Variants in SLC35F4 observed in about 807,000 individuals in gnomAD.
The protein encoded by SLC35F4 is solute carrier family 35 member F4, also known as chromosome 14 open reading frame 36.
A neutral mutation model predicts 44.2 loss-of-function variants in SLC35F4; 24 were observed. The ratio of observed to expected loss-of-function variants is 0.54; its 90% CI spans 0.39 to 0.76. SLC35F4 has a LOEUF of 0.76. Among genes scored for constraint, SLC35F4 ranks in the 30% least tolerant of loss-of-function variants. SLC35F4 has a pLI of 0.00. For synonymous variants in SLC35F4, 238 were observed against 223.6 expected, an observed-to-expected ratio of 1.06 and a Z score of -0.57; for missense variants, 562 against 586.1, an observed-to-expected ratio of 0.96 and a Z score of 0.42.
intron 1 of SLC35F4, among the ~76,000 whole-genome samples, chr14:57,752,515 C>T (rs1459623818): frequency 1.3e-5 from 2 of 151,068 alleles, no homozygotes; most frequent in African/African-American, 4.9e-5. Flanking sequence ...GGCCGGAGTG[C>T]AGTGGTGTGA....
intron 1 of SLC35F4, among the ~76,000 whole-genome samples, chr14:57,841,581 G>C (rs111944459): frequency 0.012 from 1,831 of 152,270 alleles, 36 homozygotes; most frequent in African/African-American, 0.041. Flanking sequence ...ACAGGGTACT[G>C]AATCTGGTAT....
At chr14:57,825,787 A>T (rs570171270) in intron 1 of SLC35F4, among the ~76,000 whole-genome samples, 1 of 152,290 alleles carries the variant, frequency 6.6e-6, no homozygotes, top group South Asian at 2.1e-4. Context: ...AGTGAATAAA[A>T]TACCTAAGAA....
At position 57,679,429 on chromosome 14, in the gene SLC35F4, T is replaced by A. The variant is rs1292807314; in HGVS notation, c.104-85305A>T. Reference sequence around the variant, plus strand: ...TGCCCACAGGAGAAAGGAGGAAATATCTAAAATTGACACCCTAATACCACA... The same window carrying A: ...TGCCCACAGGAGAAAGGAGGAAATAACTAAAATTGACACCCTAATACCACA... On this transcript the variant is annotated intron_variant, in intron 1 of 7. Transcript: ENST00000556826. Among the ~76,000 whole-genome samples, 5 of 152,018 alleles carry A rather than the reference T, an allele frequency of 3.3e-5. 1 individual carries two copies. Among genetic ancestry groups the A allele is most frequent in the African/African-American group, 1.2e-4 (5 of 41,334 alleles).
chr14:57,923,228 G>C (rs1363500596), intron 1 of SLC35F4, among the ~76,000 whole-genome samples: 2 of 152,210 alleles, frequency 1.3e-5, no homozygotes, highest in South Asian at 4.2e-4. Flanking sequence ...TTAAGATTAG[G>C]AGCCTGTATG....
intron 1 of SLC35F4, among the ~76,000 whole-genome samples, chr14:57,671,458 A>G (rs1220963055): frequency 2.0e-5 from 3 of 151,982 alleles, no homozygotes; most frequent in East Asian, 1.9e-4. Flanking sequence ...AGCTCCCAGA[A>G]AACATTTTTA....
intron 1 of SLC35F4, among the ~76,000 whole-genome samples, chr14:57,674,359 C>T (rs1275873221): frequency 6.6e-6 from 1 of 152,120 alleles, no homozygotes; most frequent in South Asian, 2.1e-4. Context: ...AATTCTACTT[C>T]ATGATGTCTA....
At chr14:57,668,412 A>C (rs1184877222) in intron 1 of SLC35F4, among the ~76,000 whole-genome samples, 1 of 151,932 alleles carries the variant, frequency 6.6e-6, no homozygotes, top group Non-Finnish European at 1.5e-5. Context: ...GCCCATGCCT[A>C]TGTCCTGAAT....
At chr14:57,718,765 C>A (rs1050992594) in intron 1 of SLC35F4, among the ~76,000 whole-genome samples, 3 of 152,086 alleles carry the variant, frequency 2.0e-5, no homozygotes, top group Non-Finnish European at 4.4e-5. Flanking sequence ...GAGTCATTTG[C>A]AAATATTTTC....
chr14:57,943,557 G>A (rs1889953762), intron 1 of SLC35F4, among the ~76,000 whole-genome samples: 4 of 152,156 alleles, frequency 2.6e-5, no homozygotes, highest in South Asian at 2.1e-4. Context: ...CAACGCACAC[G>A]CCAGTGAGTT....
intron 1 of SLC35F4, among the ~76,000 whole-genome samples, chr14:57,919,885 AGTGGTGATTCTTTTAGAC>A (rs1047399179): frequency 1.3e-4 from 20 of 152,308 alleles, no homozygotes; most frequent in East Asian, 7.7e-4. Flanking sequence ...TCAGTGAGAA[AGTGGTGATTCTTTTAGAC>A]GTGGTGATTC....
intron 1 of SLC35F4, among the ~76,000 whole-genome samples, chr14:57,943,209 G>A (rs1002032595): frequency 6.6e-6 from 1 of 152,182 alleles, no homozygotes; most frequent in Non-Finnish European, 1.5e-5. Flanking sequence ...GCAGCCCCCA[G>A]TGGTTTTTGC....
Position 57,798,533 on chromosome 14 carries a change from C to T in SLC35F4, c.103+67190G>A, listed in dbSNP as rs149842873. On this transcript the variant is annotated intron_variant, in intron 1 of 7. Coordinates refer to ENST00000556826, the MANE Select transcript of SLC35F4 (RefSeq NM_001306087.2). ...ACTTCCTTCAGACCATTTGTTCTCA[C>T]AAACTACCACATACCATCCTGTCAT... 7.9e-3 allele frequency among the ~76,000 whole-genome samples: 1,206 copies of T among 152,290 alleles called. 12 individuals are homozygous for T. Among genetic ancestry groups the T allele is most frequent in the Non-Finnish European group, 0.013 (888 of 68,014 alleles).
chr14:57,770,721 T>C (rs1370331969), intron 1 of SLC35F4, among the ~76,000 whole-genome samples: 1 of 152,212 alleles, frequency 6.6e-6, no homozygotes, highest in Non-Finnish European at 1.5e-5. Flanking sequence ...AAATTTCATA[T>C]GTGCCTTTCT....
intron 1 of SLC35F4, among the ~76,000 whole-genome samples, chr14:57,740,805 T>A (rs1466423229): frequency 6.6e-6 from 1 of 152,208 alleles, no homozygotes; most frequent in Non-Finnish European, 1.5e-5. Flanking sequence ...TTTTAAAAGA[T>A]CTGAGAACAG....
At chr14:57,815,856 A>C (rs12885540) in intron 1 of SLC35F4, among the ~76,000 whole-genome samples, 2 of 152,190 alleles carry the variant, frequency 1.3e-5, no homozygotes, top group African/African-American at 4.8e-5. Flanking sequence ...GTGTGGAAAA[A>C]AGGAAATTTA....
chr14:57,973,370 G>C (rs1044309715), downstream of SLC35F4, among the ~76,000 whole-genome samples: 1 of 152,118 alleles, frequency 6.6e-6, no homozygotes, highest in Middle Eastern at 3.2e-3. Context: ...AGGTTTCCTC[G>C]TCTCAAGAAG....
chr14:57,742,980 C>T (rs933677623), intron 1 of SLC35F4, among the ~76,000 whole-genome samples: 22 of 151,996 alleles, frequency 1.4e-4, no homozygotes, highest in East Asian at 1.3e-3. Context: ...CTACTGGGTA[C>T]GTAACAAAAT....
intron 1 of SLC35F4, among the ~76,000 whole-genome samples, chr14:57,622,852 A>C (rs1324956214): frequency 6.6e-6 from 1 of 151,886 alleles, no homozygotes; most frequent in Non-Finnish European, 1.5e-5. Flanking sequence ...AAAAAATTAA[A>C]AAAACCCCAC....
At chr14:57,567,903 A>G (rs1414088293) in intron 6 of SLC35F4, among the ~76,000 whole-genome samples, 1 of 152,250 alleles carries the variant, frequency 6.6e-6, no homozygotes, top group Non-Finnish European at 1.5e-5. Context: ...CAAAGTAAAC[A>G]TAAGCAAACA....
Sources: allele counts gnomAD v4.1 joint callset (sites outside exome capture counted in the v4.1 genomes callset), GRCh38; gene constraint gnomAD v4.1.1; transcripts MANE v1.5; gene names NCBI Gene and HGNC (gene_info 2026-07-23, HGNC 2026-07-21).